The following PROX1 variants were observed in gnomAD, a reference collection of about 807,000 sequenced individuals.
PROX1 encodes prospero homeobox 1.
Under a neutral mutation model 58.8 loss-of-function variants are expected in PROX1, and 7 were observed. The observed-to-expected ratio is 0.12, with a 90% CI of 0.07 to 0.22. The LOEUF is 0.22. Ranked by LOEUF, PROX1 falls within the 10% of genes least tolerant of loss-of-function variation. PROX1 has a pLI of 1.00. For missense variants in PROX1, 675 were observed against 927.8 expected, an observed-to-expected ratio of 0.73 and a Z score of 3.54; for synonymous variants, 350 against 358.3, an observed-to-expected ratio of 0.98 and a Z score of 0.26.
intron 4 of PROX1, among the ~76,000 whole-genome samples, chr1:214,019,602 G>A (rs1001849399): frequency 4.6e-5 from 7 of 152,178 alleles, no homozygotes; most frequent in African/African-American, 1.7e-4. Context: ...AGCAGCCGTC[G>A]TGGGCCATGG....
chr1:214,013,987 A>G (rs1437378344), intron 4 of PROX1, among the ~76,000 whole-genome samples: 2 of 152,074 alleles, frequency 1.3e-5, no homozygotes, highest in Admixed American at 6.5e-5. Flanking sequence ...ATATGCACAC[A>G]CGCGTACCGA....
rs141113174 is a variant in PROX1 at position 214,019,558 on chromosome 1, T to A, written c.2028+7843T>A. On this transcript the variant is annotated intron_variant, in intron 4 of 4. Coordinates refer to ENST00000366958, the MANE Select transcript of PROX1 (RefSeq NM_001270616.2). ...TAAGATCTAGGCAGAGATCGTTAGGTGGGTAGTCCTGCCTGCATCCCGACC... is the reference window on the plus strand; with the variant it reads ...TAAGATCTAGGCAGAGATCGTTAGGAGGGTAGTCCTGCCTGCATCCCGACC... 9.0e-4 allele frequency among the ~76,000 whole-genome samples: 137 copies of A among 152,282 alleles called. 3 individuals carry two copies. In the East Asian group the frequency reaches 9.3e-3, roughly 10 times the overall value.
chr1:213,984,583 T>A (rs1208755511), upstream of PROX1: 1 of 152,312 alleles, frequency 6.6e-6, no homozygotes, highest in African/African-American at 2.4e-5. Context: ...CAAATCCAGG[T>A]TGGGCTTGGC....
rs138394665 is a variant in PROX1 at position 214,000,473 on chromosome 1, C to T, written c.1725+2213C>T. 5.7e-3 allele frequency among the ~76,000 whole-genome samples: 867 copies of T among 152,248 alleles called. 6 individuals carry two copies. The highest frequency in any genetic ancestry group is 0.019 in the African/African-American group (801 of 41,544). ...TCTATCAACATAACTTTCTGTCGAG[C>T]GGTGATTCTGTTGGGAAACACCCGT... On this transcript the variant is annotated intron_variant, in intron 2 of 4. Transcript: ENST00000366958.
intron 4 of PROX1, among the ~76,000 whole-genome samples, chr1:214,028,696 A>T (rs898131197): frequency 3.9e-5 from 6 of 152,090 alleles, no homozygotes; most frequent in Admixed American, 6.6e-5. Context: ...TTTCCATTTG[A>T]TCCTCCCCTG....
intron 1 of PROX1, among the ~76,000 whole-genome samples, chr1:213,991,125 T>A (rs2102680902): frequency 6.6e-6 from 1 of 152,324 alleles, no homozygotes; most frequent in Non-Finnish European, 1.5e-5. Context: ...GTCCATGGGT[T>A]AAAACATGGA....
chr1:214,032,277 C>T (rs1307655663), intron 4 of PROX1, among the ~76,000 whole-genome samples: 1 of 152,186 alleles, frequency 6.6e-6, no homozygotes, highest in Non-Finnish European at 1.5e-5. Context: ...GTAATCTCTT[C>T]ATCTCATCAT....
rs1379258444 is a variant in PROX1 at position 214,039,122 on chromosome 1, G to T, written c.*3288G>T. 1 of 152,144 alleles carries T rather than the reference G, an allele frequency of 6.6e-6. No homozygotes were observed. The highest frequency in any genetic ancestry group is 1.5e-5 in the Non-Finnish European group (1 of 68,024). The allele number at this position is 152,144 out of a possible 1,614,324, so 9.4% of individuals were successfully genotyped here. A position where few individuals can be genotyped will look rare whatever the true frequency, so the allele number is the denominator to read the frequency against. Reference sequence around the variant, plus strand: ...TAAAAATATACATATATATATATGCGTGTGAAGTGGAAAGCTTACCTTTTC... The same window carrying T: ...TAAAAATATACATATATATATATGCTTGTGAAGTGGAAAGCTTACCTTTTC... On this transcript the variant is annotated 3_prime_UTR_variant, in exon 5 of 5. Coordinates refer to ENST00000366958, the MANE Select transcript of PROX1 (RefSeq NM_001270616.2).
chr1:213,993,054 G>T (rs1663093236), intron 1 of PROX1, among the ~76,000 whole-genome samples: 1 of 152,058 alleles, frequency 6.6e-6, no homozygotes. Context: ...ATCTTTTTCT[G>T]GGAGGAATCT....
chr1:214,019,122 A>G, intron 4 of PROX1, among the ~76,000 whole-genome samples: 1 of 152,200 alleles, frequency 6.6e-6, no homozygotes, highest in South Asian at 2.1e-4. Context: ...AGCCACTGGC[A>G]GGTGACAAGG....
chr1:214,011,900 C>G (rs1663922700), intron 4 of PROX1, among the ~76,000 whole-genome samples, 185 bp downstream of exon 4: 1 of 152,106 alleles, frequency 6.6e-6, no homozygotes. Flanking sequence ...AGGCTCTGAC[C>G]CACTGCCATT....
At chr1:214,022,442 T>C (rs1365016606) in intron 4 of PROX1, among the ~76,000 whole-genome samples, 8 of 152,232 alleles carry the variant, frequency 5.3e-5, no homozygotes, top group Admixed American at 4.6e-4. Flanking sequence ...CTGCTGACCC[T>C]AAATAGGAAA....
chr1:214,039,834 C>T lies in PROX1; in HGVS notation c.*4000C>T, dbSNP rs1664954886. 6.7e-6 allele frequency: 1 copy of T among 150,072 alleles called. No homozygotes were observed. Among genetic ancestry groups the T allele is most frequent in the Non-Finnish European group, 1.5e-5 (1 of 67,500 alleles). 9.3% of individuals were successfully genotyped at this position (150,072 alleles called of 1,614,324 possible). A position where few individuals can be genotyped will look rare whatever the true frequency, so the allele number is the denominator to read the frequency against. On this transcript the variant is annotated 3_prime_UTR_variant, in exon 5 of 5. Transcript: ENST00000366958. ...ACACACACACACACACACACACAAA[C>T]ACACACACTGTCATAAAGCTAATGA...
At chr1:214,010,788 C>T (rs1395287529) in intron 3 of PROX1, among the ~76,000 whole-genome samples, 3 of 152,164 alleles carry the variant, frequency 2.0e-5, no homozygotes, top group Non-Finnish European at 4.4e-5. Context: ...CCTGTCTATG[C>T]CATCTGTGTA....
At chr1:214,015,918 A>T (rs1664078768) in intron 4 of PROX1, among the ~76,000 whole-genome samples, 1 of 152,182 alleles carries the variant, frequency 6.6e-6, no homozygotes. Context: ...CTAAGTTTCC[A>T]GTAAGAATGA....
chr1:213,994,210 G>A (rs890364956), intron 1 of PROX1, among the ~76,000 whole-genome samples: 1 of 152,166 alleles, frequency 6.6e-6, no homozygotes, highest in South Asian at 2.1e-4. Flanking sequence ...CAGCAAGGAT[G>A]GCAGGAGGAA....
chr1:213,991,775 C>T (rs1571795228), intron 1 of PROX1, among the ~76,000 whole-genome samples: 1 of 152,320 alleles, frequency 6.6e-6, no homozygotes, highest in Middle Eastern at 3.4e-3. Context: ...GGCCTCTTTT[C>T]ATGAATGTCT....
chr1:214,021,571 T>C (rs563817430), intron 4 of PROX1, among the ~76,000 whole-genome samples: 7 of 152,324 alleles, frequency 4.6e-5, no homozygotes, highest in African/African-American at 9.6e-5. Flanking sequence ...AGCCTGACTG[T>C]GTTTTTCTGA....
At chr1:214,013,141 GT>G (rs753115350) in intron 4 of PROX1, among the ~76,000 whole-genome samples, 2 of 2,864 alleles carry the variant, frequency 7.0e-4, no homozygotes, top group Non-Finnish European at 4.8e-3. Flanking sequence ...TTTGGGTGGT[GT>G]GTGTGTGTGT....
Sources: gnomAD v4.1 joint callset for allele counts (sites outside exome capture counted in the v4.1 genomes callset) on GRCh38, gnomAD v4.1.1 for gene constraint, MANE v1.5 for transcripts, NCBI Gene and HGNC (gene_info 2026-07-23, HGNC 2026-07-21) for gene names.